Variants in CCDC77 observed in about 807,000 individuals in gnomAD.
CCDC77 encodes the protein coiled-coil domain-containing protein 77.
CCDC77 carries 56 observed loss-of-function variants against 66.8 expected under a neutral mutation model. That is an observed-to-expected ratio of 0.84 (90% CI 0.68 to 1.05). The LOEUF is 1.05. Among genes scored for constraint, CCDC77 ranks in the 50% least tolerant of loss-of-function variants. The pLI is 0.00. For missense variants in CCDC77, 570 were observed against 576.8 expected (o/e 0.99, Z 0.12); for synonymous variants, 196 against 195.2 (o/e 1.00, Z -0.03).
chr12:436,161 A>G (rs997813958), intron 9 of CCDC77, among the ~76,000 whole-genome samples: 3 of 129,802 alleles, frequency 2.3e-5, no homozygotes, highest in African/African-American at 6.0e-5. Context: ...TGTGTCGTCC[A>G]GGCTGGAGTG....
chr12:413,566 G>A (rs1308000499), intron 4 of CCDC77, among the ~76,000 whole-genome samples: 1 of 148,244 alleles, frequency 6.7e-6, no homozygotes, highest in Non-Finnish European at 1.5e-5. Context: ...TATATAAATG[G>A]CTCTTTCTTT....
At chr12:440,568 C>G in intron 10 of CCDC77, 49 bp from the exon 11 acceptor site, 1 of 1,593,320 alleles carries the variant, frequency 6.3e-7, no homozygotes, top group Non-Finnish European at 8.6e-7. Context: ...CTTGAATTAC[C>G]TGAATTGTAG....
At chr12:425,445 G>A (rs1199249264) in intron 5 of CCDC77, among the ~76,000 whole-genome samples, 2 of 151,834 alleles carry the variant, frequency 1.3e-5, no homozygotes, top group East Asian at 1.9e-4. Flanking sequence ...CATAGGATCC[G>A]CCAAATGATG....
upstream of CCDC77, among the ~76,000 whole-genome samples, chr12:400,302 G>A (rs144187022): frequency 2.0e-5 from 3 of 152,322 alleles, no homozygotes; most frequent in Non-Finnish European, 4.4e-5. Context: ...TATCAGCAAT[G>A]TCTGTTTCAC....
chr12:437,922 C>G (rs1228230931), intron 9 of CCDC77, among the ~76,000 whole-genome samples: 1 of 150,928 alleles, frequency 6.6e-6, no homozygotes, highest in Admixed American at 6.6e-5. Flanking sequence ...CTACATGGAG[C>G]ACAGCATACA....
At chr12:400,697 A>G (rs190373001), upstream of CCDC77, among the ~76,000 whole-genome samples, 37 of 152,350 alleles carry the variant, frequency 2.4e-4, no homozygotes, top group East Asian at 6.2e-3. Context: ...GTGCCCCTAA[A>G]CAATTATAAT....
chr12:411,747 G>C lies in CCDC77; in HGVS notation c.39G>C (p.Lys13Asn). Residue 13 changes from lysine (K) to asparagine (N), a missense_variant and splice_region_variant, in exon 4 of 13, where the codon AAG becomes AAC. Lys to Asn is a moderately conservative substitution (Grantham distance 94). Transcript: ENST00000239830. ...FTPTHTPVCR[K>N]RTVVSKRGVA... is the part of the protein sequence containing the mutation. ...ATATATCATTTCTAATTTCACGTAG[G>C]CGAACAGTTGTCTCCAAACGTGGTG... 6.2e-7 allele frequency: 1 copy of C among 1,610,840 alleles called. No individual in the cohort carries two copies.
chr12:412,040 T>G (rs1343408710), intron 4 of CCDC77, 62 bp downstream of exon 4: 2 of 1,198,530 alleles, frequency 1.7e-6, no homozygotes, highest in Admixed American at 4.1e-5. Context: ...AGAGATGCCC[T>G]ACAAGTGCCA....
chr12:438,223 T>C (rs569905167), intron 9 of CCDC77, 112 bp from the exon 10 acceptor site: 1 of 747,714 alleles, frequency 1.3e-6, no homozygotes, highest in South Asian at 1.9e-5. Context: ...TTTACAAAAT[T>C]TATATATCAC....
At chr12:439,372 T>C (rs1288692210) in intron 10 of CCDC77, among the ~76,000 whole-genome samples, 1 of 150,052 alleles carries the variant, frequency 6.7e-6, no homozygotes, top group African/African-American at 2.5e-5. Context: ...ATATAAAAAT[T>C]GGTGGGGCGT....
intron 1 of CCDC77, among the ~76,000 whole-genome samples, chr12:405,087 G>A (rs775618107): frequency 1.2e-4 from 18 of 152,136 alleles, no homozygotes; most frequent in Non-Finnish European, 1.8e-4. Flanking sequence ...ACCCATATCC[G>A]TACAATGGAA....
At chr12:407,934 C>T (rs1945028421) in intron 2 of CCDC77, among the ~76,000 whole-genome samples, 1 of 151,910 alleles carries the variant, frequency 6.6e-6, no homozygotes, top group African/African-American at 2.4e-5. Context: ...ACTACGGGTG[C>T]CTGCCACGAC....
At chr12:430,621 G>A (rs770611037) in intron 6 of CCDC77, 43 bp from the exon 7 acceptor site, 66 of 1,403,654 alleles carry the variant, frequency 4.7e-5, no homozygotes, top group Admixed American at 1.3e-4. Context: ...AAAATATTAC[G>A]TTTATAGGAA....
chr12:436,298 A>G (rs1241870864), intron 9 of CCDC77, among the ~76,000 whole-genome samples: 1 of 149,956 alleles, frequency 6.7e-6, no homozygotes, highest in Non-Finnish European at 1.5e-5. Flanking sequence ...TTTTTTTTTA[A>G]TTGTATTTTT....
chr12:405,975 A>G (rs1246731241), intron 2 of CCDC77, among the ~76,000 whole-genome samples: 5 of 148,302 alleles, frequency 3.4e-5, no homozygotes, highest in Non-Finnish European at 7.4e-5. Flanking sequence ...CTGGACTGCA[A>G]TGGCGTGATC....
At chr12:415,357 TA>T (rs1945214480) in intron 4 of CCDC77, among the ~76,000 whole-genome samples, 4 of 115,022 alleles carry the variant, frequency 3.5e-5, no homozygotes, top group African/African-American at 1.3e-4. Context: ...ATCAACATAA[TA>T]TTATGTTAAT....
chr12:389,399 T>C (rs1417809440), exon 1 of CCDC77: 7 of 539,182 alleles, frequency 1.3e-5, no homozygotes, highest in Non-Finnish European at 2.4e-5. Flanking sequence ...TCCTTCTTCT[T>C]CTCTTCCCCG....
At chr12:423,477 GTGTTTTTTTTTGTTTTGTTTTT>G (rs1945463047) in intron 5 of CCDC77, among the ~76,000 whole-genome samples, 2 of 24,958 alleles carry the variant, frequency 8.0e-5, no homozygotes, top group Admixed American at 5.8e-4. Flanking sequence ...TGTGTTTTTT[GTGTTTTTTTTTGTTTTGTTTTT>G]TTTTTTTTTT....
chr12:390,502 C>A (rs552165837), intron 1 of CCDC77, among the ~76,000 whole-genome samples: 1 of 152,248 alleles, frequency 6.6e-6, no homozygotes, highest in South Asian at 2.1e-4. Context: ...CTTTGAATAA[C>A]GCAGATTGCC....
Sources: allele counts gnomAD v4.1 joint callset (sites outside exome capture counted in the v4.1 genomes callset), GRCh38; gene constraint gnomAD v4.1.1; transcripts MANE v1.5; gene names NCBI Gene and HGNC (gene_info 2026-07-23, HGNC 2026-07-21).